CCDC63: variants seen among roughly 807,000 people sequenced by gnomAD.
The protein encoded by CCDC63 is coiled-coil domain containing 63, also known as coiled-coil domain-containing protein 63.
In CCDC63, 54 loss-of-function variants were observed where a neutral mutation model predicts 63.6. The observed-to-expected ratio is 0.85, with a 90% CI of 0.68 to 1.07. The LOEUF is 1.07. CCDC63 is among the 50% of genes least tolerant of loss of function. The pLI is 0.00. For synonymous variants in CCDC63, 253 were observed against 266.1 expected (o/e 0.95, Z 0.48); for missense variants, 637 against 689.6 (o/e 0.92, Z 0.86).
At chr12:110,879,137 C>T (rs1020012871) in intron 5 of CCDC63, among the ~76,000 whole-genome samples, 16 of 152,298 alleles carry the variant, frequency 1.1e-4, no homozygotes, top group Non-Finnish European at 1.5e-4. Context: ...TTACACCCTA[C>T]AAAATGAATA....
chr12:110,907,486 A>G lies in CCDC63; in HGVS notation c.*10A>G. On this transcript the variant is annotated 3_prime_UTR_variant, in exon 12 of 12. Transcript: ENST00000308208. This position sits in a 1 kb window ranked among gnomAD's most constrained non-coding sequence, Gnocchi z 4.4. ...GAAAGTAACCATGTGAGGTGCATGC[A>G]TGGGGCCACCTTTGCAACATAACCG... The G allele has an allele frequency of 1.2e-6, 2 of 1,614,100 alleles. No individual in the cohort carries two copies. Among genetic ancestry groups the G allele is most frequent in the Middle Eastern group, 1.6e-4 (1 of 6,062 alleles).
At chr12:110,873,467 C>T (rs1338602246) in intron 4 of CCDC63, among the ~76,000 whole-genome samples, 1 of 152,150 alleles carries the variant, frequency 6.6e-6, no homozygotes, top group Non-Finnish European at 1.5e-5. Context: ...TTACAGAAGT[C>T]CCCTGGGAGG....
intron 3 of CCDC63, among the ~76,000 whole-genome samples, chr12:110,854,518 C>T (rs556058695): frequency 1.3e-5 from 2 of 152,144 alleles, no homozygotes; most frequent in East Asian, 3.9e-4. Context: ...TGGTCTCAAA[C>T]TCCTGTCCTC....
chr12:110,882,560 G>A (rs894755430), intron 7 of CCDC63, among the ~76,000 whole-genome samples: 4 of 150,974 alleles, frequency 2.6e-5, no homozygotes, highest in Admixed American at 2.0e-4. Context: ...GTGAGACCCT[G>A]TCTCTTAAAA....
intron 10 of CCDC63, among the ~76,000 whole-genome samples, chr12:110,899,749 A>T (rs1418373267): frequency 1.3e-5 from 2 of 149,212 alleles, no homozygotes; most frequent in Non-Finnish European, 3.0e-5. Context: ...GACTGTTGGG[A>T]GGCTTAAATA....
At chr12:110,904,076 C>T (rs973742042) in intron 10 of CCDC63, among the ~76,000 whole-genome samples, 1 of 152,136 alleles carries the variant, frequency 6.6e-6, no homozygotes, top group African/African-American at 2.4e-5. Flanking sequence ...AAGTCAGAAG[C>T]CAGGCACGAT....
chr12:110,898,972 G>A lies in CCDC63; in HGVS notation c.1189G>A (p.Glu397Lys), dbSNP rs773787578. Residue 397 changes from glutamate (E) to lysine (K), a missense_variant, in exon 10 of 12, where the codon GAG (glutamate) becomes AAG (lysine). By Grantham distance (56) the Glu-to-Lys change is moderately conservative (BLOSUM62 1). Transcript: ENST00000308208. ...RKTTEEADMY[E>K]SKYGEVSKTL... ...GACCACGGAGGAGGCAGATATGTAT[G>A]AGAGCAAGTACGGGGAGGTCAGCAA... 6 of 1,612,370 alleles carry A rather than the reference G, an allele frequency of 3.7e-6. No individual in the cohort carries two copies. Among genetic ancestry groups the A allele is most frequent in the Middle Eastern group, 1.7e-4 (1 of 6,058 alleles).
chr12:110,893,145 C>A lies in CCDC63; in HGVS notation c.1144C>A (p.Leu382Met). ...HDDNHSVLRQ[L>M]EDKLRKTTEE... ...TGACAACCACTCTGTCCTGAGACAG[C>A]TGGAGGTGAGAACAGGATCGGGAGG... Residue 382 changes from leucine to methionine, a missense_variant, in exon 9 of 12, where the codon CTG becomes ATG. Physicochemically the swap from Leu to Met is conservative, Grantham distance 15. Coordinates refer to ENST00000308208, the MANE Select transcript of CCDC63 (RefSeq NM_152591.3). 1 of 1,613,524 alleles carries A rather than the reference C, an allele frequency of 6.2e-7. No individual in the cohort carries two copies. Among genetic ancestry groups the A allele is most frequent in the African/African-American group, 1.3e-5 (1 of 75,030 alleles).
rs940607863 is a variant in CCDC63 at position 110,907,200 on chromosome 12, T to C, written c.1547-131T>C. 49 of 805,434 alleles carry C rather than the reference T, an allele frequency of 6.1e-5. No homozygotes were observed. The highest frequency in any genetic ancestry group is 9.0e-5 in the Non-Finnish European group (47 of 525,014). 49.9% of individuals were successfully genotyped at this position (805,434 alleles called of 1,614,324 possible). A position where few individuals can be genotyped will look rare whatever the true frequency, so the allele number is the denominator to read the frequency against. ...CCCCAAGAAGTATATTTCTGTTCAT[T>C]CTCCCCCTCCTTGAAACCTGAGAAT... On this transcript the variant is annotated intron_variant, in intron 11 of 11. Coordinates refer to ENST00000308208, the MANE Select transcript of CCDC63 (RefSeq NM_152591.3). The surrounding 1 kb of genome is among the most constrained non-coding windows in gnomAD (Gnocchi z 4.4).
At chr12:110,886,675 C>T (rs2071284176) in intron 8 of CCDC63, among the ~76,000 whole-genome samples, 1 of 152,228 alleles carries the variant, frequency 6.6e-6, no homozygotes, top group East Asian at 1.9e-4. Context: ...CCCACTTGTG[C>T]CTCCCACTGG....
intron 4 of CCDC63, among the ~76,000 whole-genome samples, chr12:110,865,996 G>T (rs552089473): frequency 7.9e-5 from 12 of 152,138 alleles, no homozygotes; most frequent in East Asian, 5.8e-4. Context: ...TTGTATATGT[G>T]AGACAGAGTC....
intron 10 of CCDC63, among the ~76,000 whole-genome samples, chr12:110,902,399 CTTCCAAA>C (rs2071499842): frequency 6.6e-6 from 1 of 152,190 alleles, no homozygotes; most frequent in South Asian, 2.1e-4. Flanking sequence ...CCTCTCGATC[CTTCCAAA>C]TCCATTGCTG....
intron 3 of CCDC63, among the ~76,000 whole-genome samples, chr12:110,855,860 C>A (rs976230279): frequency 6.6e-6 from 1 of 152,134 alleles, no homozygotes; most frequent in African/African-American, 2.4e-5. Context: ...GGATTACAGG[C>A]ATGAGCCACC....
intron 5 of CCDC63, among the ~76,000 whole-genome samples, chr12:110,877,590 A>G (rs994133016): frequency 6.6e-6 from 1 of 151,544 alleles, no homozygotes; most frequent in Non-Finnish European, 1.5e-5. Context: ...CTCATTCTCC[A>G]TATCTGCTAC....
intron 1 of CCDC63, among the ~76,000 whole-genome samples, chr12:110,850,344 G>C (rs2070690530): frequency 6.6e-6 from 1 of 152,262 alleles, no homozygotes. Flanking sequence ...GCGAAGCCCT[G>C]GTTGGGCAGC....
At chr12:110,879,230 A>T (rs1299811352) in intron 5 of CCDC63, among the ~76,000 whole-genome samples, 2 of 152,238 alleles carry the variant, frequency 1.3e-5, no homozygotes, top group Non-Finnish European at 2.9e-5. Flanking sequence ...AGGTAGATCC[A>T]GTCAAGGTTC....
intron 7 of CCDC63, 98 bp from the exon 8 acceptor site, chr12:110,883,932 G>C: frequency 1.0e-6 from 1 of 958,806 alleles, no homozygotes; most frequent in East Asian, 2.4e-5. Flanking sequence ...GAGTCACCAT[G>C]CCTGGCCACA....
At chr12:110,845,114 T>C (rs990099616), upstream of CCDC63, among the ~76,000 whole-genome samples, 1 of 152,218 alleles carries the variant, frequency 6.6e-6, no homozygotes, top group Non-Finnish European at 1.5e-5. Context: ...TAAAAAAGCC[T>C]GATACGTCTC....
At chr12:110,848,273 A>C (rs16941050) in intron 1 of CCDC63, among the ~76,000 whole-genome samples, 2,374 of 152,280 alleles carry the variant, frequency 0.016, 60 homozygotes, top group African/African-American at 0.055. Flanking sequence ...AGGTAGGTTG[A>C]ATTGGCCCCA....
Sources: allele counts gnomAD v4.1 joint callset (sites outside exome capture counted in the v4.1 genomes callset), GRCh38; gene constraint gnomAD v4.1.1; non-coding constraint Gnocchi (gnomAD v3.1); transcripts MANE v1.5; gene names NCBI Gene and HGNC (gene_info 2026-07-23, HGNC 2026-07-21).